SLC25A21: variants seen among roughly 807,000 people sequenced by gnomAD.
SLC25A21 encodes solute carrier family 25 member 21.
SLC25A21 carries 47 observed loss-of-function variants against 43.8 expected under a neutral mutation model. That is an observed-to-expected ratio of 1.07 (90% CI 0.85 to 1.37). The LOEUF (loss-of-function observed/expected upper bound fraction) is 1.37, where lower values mean the gene tolerates loss of function less well. SLC25A21 is among the 40% of genes most tolerant of loss of function. The pLI, the probability that SLC25A21 is intolerant of heterozygous loss-of-function variation, is 0.00. For missense variants in SLC25A21, 352 were observed against 350.2 expected, an observed-to-expected ratio of 1.00 and a Z score of -0.04; for synonymous variants, 131 against 121.3, an observed-to-expected ratio of 1.08 and a Z score of -0.52.
chr14:37,098,632 G>A (rs1465497933), intron 1 of SLC25A21: 1 of 152,046 alleles, frequency 6.6e-6, no homozygotes, highest in Admixed American at 6.6e-5. Flanking sequence ...TTCACATGAA[G>A]AAAAGATGAT....
chr14:37,123,247 G>A (rs7151524), intron 1 of SLC25A21, among the ~76,000 whole-genome samples: 140,248 of 152,224 alleles, frequency 0.92, 64,842 homozygotes, highest in Non-Finnish European at 0.96. Flanking sequence ...GTGACATTTA[G>A]ATGGAGCCAG....
intron 3 of SLC25A21, among the ~76,000 whole-genome samples, chr14:36,777,168 G>C (rs1886867150): frequency 6.6e-6 from 1 of 152,164 alleles, no homozygotes; most frequent in South Asian, 2.1e-4. Flanking sequence ...TGAGGCAGGA[G>C]AATCGCTTGA....
intron 1 of SLC25A21, among the ~76,000 whole-genome samples, chr14:37,125,310 G>A (rs1430988669): frequency 1.3e-5 from 2 of 152,124 alleles, no homozygotes; most frequent in African/African-American, 2.4e-5. Context: ...GTGATACTTC[G>A]GTTAACATAA....
intron 2 of SLC25A21, among the ~76,000 whole-genome samples, chr14:36,848,314 A>G (rs1382531365): frequency 6.6e-6 from 1 of 152,216 alleles, no homozygotes; most frequent in Admixed American, 6.5e-5. Flanking sequence ...ATTATACGTT[A>G]TGTATATTCT....
chr14:37,077,212 C>T (rs1962298977), intron 1 of SLC25A21, among the ~76,000 whole-genome samples: 1 of 152,170 alleles, frequency 6.6e-6, no homozygotes, highest in South Asian at 2.1e-4. Context: ...AAGTTTTTTA[C>T]AGAAGATGCT....
intron 6 of SLC25A21, among the ~76,000 whole-genome samples, chr14:36,712,404 T>C (rs937698291): frequency 3.9e-5 from 6 of 152,120 alleles, no homozygotes; most frequent in Non-Finnish European, 8.8e-5. Flanking sequence ...TGTTTGATAT[T>C]TCACTAAAGC....
chr14:36,752,829 C>T (rs552654664), intron 3 of SLC25A21, among the ~76,000 whole-genome samples: 2 of 152,224 alleles, frequency 1.3e-5, no homozygotes, highest in South Asian at 4.2e-4. Context: ...GGGGCTTTCC[C>T]CGCCTTTGCT....
intron 3 of SLC25A21, among the ~76,000 whole-genome samples, chr14:36,755,340 A>G (rs1325510991): frequency 6.6e-6 from 1 of 152,238 alleles, no homozygotes; most frequent in Non-Finnish European, 1.5e-5. Flanking sequence ...GAAAGTGGGC[A>G]TTTTGCACAT....
chr14:36,734,209 T>C (rs1884941216), intron 4 of SLC25A21, among the ~76,000 whole-genome samples: 1 of 152,166 alleles, frequency 6.6e-6, no homozygotes, highest in African/African-American at 2.4e-5. Context: ...CTGAGTTGCT[T>C]TGAAGAAAGG....
chr14:37,147,844 C>CTTT (rs61239254), intron 1 of SLC25A21, among the ~76,000 whole-genome samples: 1,266 of 126,202 alleles, frequency 0.01, 78 homozygotes, highest in East Asian at 0.065. Context: ...TTTTTCTTTT[C>CTTT]TTTTTTTTTT....
chr14:36,796,525 C>T (rs848093), intron 3 of SLC25A21, among the ~76,000 whole-genome samples: 24,731 of 151,716 alleles, frequency 0.16, 2,236 homozygotes, highest in Middle Eastern at 0.25. Context: ...TCAGGCGCTC[C>T]ATCAGATCCC....
chr14:37,137,188 G>A (rs962850976), intron 1 of SLC25A21, among the ~76,000 whole-genome samples: 5 of 151,954 alleles, frequency 3.3e-5, no homozygotes, highest in African/African-American at 9.7e-5. Context: ...TAGTAGAGAC[G>A]GGGTTTCACC....
At chr14:36,960,586 T>C (rs1351754073) in intron 1 of SLC25A21, among the ~76,000 whole-genome samples, 1 of 152,186 alleles carries the variant, frequency 6.6e-6, no homozygotes, top group African/African-American at 2.4e-5. Context: ...CCCTTTTCTT[T>C]TGTAATTTAC....
chr14:37,168,080 G>A (rs183996397), intron 1 of SLC25A21, among the ~76,000 whole-genome samples: 1 of 152,028 alleles, frequency 6.6e-6, no homozygotes, highest in South Asian at 2.1e-4. Flanking sequence ...GTGAGGCCTG[G>A]GATCCCACAT....
At chr14:36,817,274 C>A (rs758499513) in intron 2 of SLC25A21, among the ~76,000 whole-genome samples, 1 of 152,008 alleles carries the variant, frequency 6.6e-6, no homozygotes, top group African/African-American at 2.4e-5. Flanking sequence ...GGCACTGGGT[C>A]GTCCAGGTGT....
At chr14:36,938,007 A>T (rs551799898) in intron 1 of SLC25A21, among the ~76,000 whole-genome samples, 368 of 152,052 alleles carry the variant, frequency 2.4e-3, no homozygotes, top group African/African-American at 7.5e-3. Context: ...AACTTTTTTT[A>T]AAAAAAAATT....
chr14:36,865,212 CACACT>C (rs1340623142), intron 2 of SLC25A21, among the ~76,000 whole-genome samples: 30 of 152,002 alleles, frequency 2.0e-4, no homozygotes, highest in African/African-American at 7.0e-4. Flanking sequence ...ACCCTGGCTT[CACACT>C]CTCTGCTGGG....
At chr14:36,764,538 A>C (rs1886330965) in intron 3 of SLC25A21, among the ~76,000 whole-genome samples, 1 of 143,142 alleles carries the variant, frequency 7.0e-6, no homozygotes, top group Admixed American at 7.1e-5. Context: ...ACACTCCAAA[A>C]AAAAAAAAAA....
chr14:36,785,606 A>G (rs1220909496), intron 3 of SLC25A21, among the ~76,000 whole-genome samples: 1 of 152,202 alleles, frequency 6.6e-6, no homozygotes, highest in African/African-American at 2.4e-5. Context: ...CTACAATATG[A>G]AAAGTGGGTT....
Sources: gnomAD v4.1 joint callset for allele counts (sites outside exome capture counted in the v4.1 genomes callset) on GRCh38, gnomAD v4.1.1 for gene constraint, MANE v1.5 for transcripts, NCBI Gene and HGNC (gene_info 2026-07-23, HGNC 2026-07-21) for gene names.